The following NUP210 variants were observed in gnomAD, a reference collection of about 807,000 sequenced individuals.
The protein encoded by NUP210 is nucleoporin 210.
In NUP210, 151 loss-of-function variants were observed where a neutral mutation model predicts 196.0. The ratio of observed to expected loss-of-function variants is 0.77; its 90% confidence interval spans 0.67 to 0.88. NUP210 has a LOEUF of 0.88. NUP210 is among the 40% of genes least tolerant of loss of function. The probability of loss-of-function intolerance (pLI) is 0.00; values close to 1 mark genes in which losing one functional copy is unlikely to be tolerated. For synonymous variants in NUP210, 1,070 were observed against 1,052.7 expected (o/e 1.02, Z -0.32); for missense variants, 2,314 against 2,493.7 (o/e 0.93, Z 1.53).
At chr3:13,418,908 C>T (rs1700435060) in intron 1 of NUP210, among the ~76,000 whole-genome samples, 1 of 141,530 alleles carries the variant, frequency 7.1e-6, no homozygotes, top group South Asian at 2.2e-4. Flanking sequence ...GAAATCGCAC[C>T]ACTGCACGTC....
chr3:13,408,397 C>A (rs1282113318), intron 1 of NUP210, among the ~76,000 whole-genome samples: 1 of 152,164 alleles, frequency 6.6e-6, no homozygotes, highest in African/African-American at 2.4e-5. Flanking sequence ...TGCTCCTTCT[C>A]TCTCTCCTGA....
At chr3:13,335,052 A>C (rs1576354223) in intron 28 of NUP210, among the ~76,000 whole-genome samples, 1 of 152,132 alleles carries the variant, frequency 6.6e-6, no homozygotes, top group Admixed American at 6.5e-5. Context: ...ATACTGAAAA[A>C]CGTGCAAGGG....
intron 9 of NUP210, among the ~76,000 whole-genome samples, chr3:13,376,633 G>A (rs1023735343): frequency 1.3e-5 from 2 of 152,214 alleles, no homozygotes; most frequent in East Asian, 1.9e-4. Flanking sequence ...TGTCCCCACC[G>A]AGGCCACCCT....
intron 20 of NUP210, among the ~76,000 whole-genome samples, chr3:13,346,788 G>T (rs1697749551): frequency 6.6e-6 from 1 of 152,210 alleles, no homozygotes; most frequent in African/African-American, 2.4e-5. Flanking sequence ...CAGGCTGCTT[G>T]TCAACGTCAC....
chr3:13,318,535 G>C (rs550309056), intron 39 of NUP210, among the ~76,000 whole-genome samples: 2 of 152,236 alleles, frequency 1.3e-5, no homozygotes, highest in East Asian at 3.9e-4. Context: ...GACATTAAAG[G>C]GCCTTCACGT....
chr3:13,386,070 A>C (rs1379631745), intron 6 of NUP210, among the ~76,000 whole-genome samples: 1 of 152,252 alleles, frequency 6.6e-6, no homozygotes, highest in Non-Finnish European at 1.5e-5. Context: ...GTTAGTGTTT[A>C]ACAATGCAGA....
chr3:13,387,343 G>A (rs773877209), intron 5 of NUP210, among the ~76,000 whole-genome samples: 1 of 152,248 alleles, frequency 6.6e-6, no homozygotes, highest in Admixed American at 6.5e-5. Flanking sequence ...CAGGCAGGGA[G>A]GGCCACTGAA....
chr3:13,334,561 C>T (rs1046885635), intron 28 of NUP210, among the ~76,000 whole-genome samples: 2 of 152,122 alleles, frequency 1.3e-5, no homozygotes, highest in Non-Finnish European at 2.9e-5. Context: ...TTTATTTCTT[C>T]TTGAGGCGGG....
At chr3:13,341,968 C>T (rs1478716230) in intron 22 of NUP210, 28 bp downstream of exon 22, 5 of 1,613,514 alleles carry the variant, frequency 3.1e-6, no homozygotes, top group Non-Finnish European at 3.4e-6. Flanking sequence ...CTCTGAGGTG[C>T]CCTCCTCTGA....
chr3:13,355,413 C>T (rs1192508367), intron 16 of NUP210, among the ~76,000 whole-genome samples: 1 of 152,234 alleles, frequency 6.6e-6, no homozygotes, highest in Admixed American at 6.5e-5. Flanking sequence ...GGCTGCTCCA[C>T]AGCCCATGTC....
chr3:13,386,190 A>G (rs1699267049), intron 6 of NUP210, 85 bp downstream of exon 6: 1 of 1,474,184 alleles, frequency 6.8e-7, no homozygotes, highest in African/African-American at 1.4e-5. Context: ...AATGGTTAAG[A>G]TGGTAAATTT....
rs777956227 is a variant in NUP210, at chr3:13,388,468, C to G, written c.534-15G>C. 14 of 1,583,698 alleles carry G rather than the reference C, an allele frequency of 8.8e-6. No homozygotes were observed. In the South Asian group the frequency reaches 1.6e-4, roughly 18 times the overall value. On this transcript the variant is annotated splice_polypyrimidine_tract_variant and intron_variant, in intron 4 of 39. Coordinates refer to ENST00000254508, the MANE Select transcript of NUP210 (RefSeq NM_024923.4). ...AAGTGAGGATTCTGGAAAAGGAGCA[C>G]GTTGTCAAAGTTTGTTGATCAAACC...
rs1697846582 is a variant in NUP210 at position 13,348,702 on chromosome 3, G to A, written c.2835+3177C>T. ...CTCCTCCAGTGTCCTCCAACCACAA[G>A]CATGTCCCCAGCTGCTGAGGGCGTC... On this transcript the variant is annotated intron_variant, in intron 20 of 39. Coordinates refer to ENST00000254508, the MANE Select transcript of NUP210 (RefSeq NM_024923.4). The surrounding 1 kb of genome is among the most constrained non-coding windows in gnomAD (Gnocchi z 4.0). 1.0e-6 allele frequency: 1 copy of A among 985,250 alleles called. No homozygotes were observed. Among genetic ancestry groups the A allele is most frequent in the Non-Finnish European group, 1.2e-6 (1 of 829,924 alleles). 61.0% of individuals were successfully genotyped at this position (985,250 alleles called of 1,614,324 possible).
At chr3:13,386,913 C>T (rs7635926) in intron 5 of NUP210, among the ~76,000 whole-genome samples, 88,596 of 152,060 alleles carry the variant, frequency 0.58, 27,160 homozygotes, top group African/African-American at 0.78. Context: ...CAGGAAAACC[C>T]GTGGGCAACT....
intron 1 of NUP210, among the ~76,000 whole-genome samples, chr3:13,408,677 A>C (rs1700070871): frequency 1.3e-5 from 2 of 151,776 alleles, no homozygotes; most frequent in Non-Finnish European, 2.9e-5. Context: ...AATTCCAGCT[A>C]CTAAGGAGGC....
At chr3:13,397,031 C>A (rs973472611) in intron 3 of NUP210, among the ~76,000 whole-genome samples, 2 of 152,128 alleles carry the variant, frequency 1.3e-5, no homozygotes, top group African/African-American at 4.8e-5. Flanking sequence ...ATGTGCTGCA[C>A]CAAGGACCAG....
At chr3:13,322,048 T>G (rs763656276) in intron 35 of NUP210, 145 bp downstream of exon 35, 1 of 1,185,778 alleles carries the variant, frequency 8.4e-7, no homozygotes, top group Non-Finnish European at 1.2e-6. Flanking sequence ...CAAGTCCCCC[T>G]GGCGTCAATC....
Position 13,322,215 on chromosome 3 carries a change from C to T in NUP210, c.4893G>A (p.Glu1631=), listed in dbSNP as rs769083280. Residue 1631 remains glutamate, a synonymous_variant, in exon 35 of 40, where the codon GAG becomes GAA. Transcript: ENST00000254508. ...DFPSQDVFTV[E]PQFDTALGQY... ...TACCGAGAGCAGTGTCAAACTGTGG[C>T]TCCACGGTGAACACATCTTGAGATG... 1.3e-5 allele frequency: 21 copies of T among 1,614,246 alleles called. No individual in the cohort carries two copies. The South Asian group carries it at 2.3e-4, about 18-fold the overall frequency.
At chr3:13,346,167 C>T (rs964033667) in intron 20 of NUP210, among the ~76,000 whole-genome samples, 5 of 152,246 alleles carry the variant, frequency 3.3e-5, no homozygotes, top group Admixed American at 1.3e-4. Flanking sequence ...GCCCTCGAAG[C>T]GTGGCCTGCC....
Sources: gnomAD v4.1 joint callset for allele counts (sites outside exome capture counted in the v4.1 genomes callset) on GRCh38, gnomAD v4.1.1 for gene constraint, Gnocchi (gnomAD v3.1) non-coding constraint, MANE v1.5 for transcripts, NCBI Gene and HGNC (gene_info 2026-07-23, HGNC 2026-07-21) for gene names.